The following UNC5C variants were observed in gnomAD, a reference collection of about 807,000 sequenced individuals.
UNC5C encodes unc-5 netrin receptor C.
Under a neutral mutation model 99.8 loss-of-function variants are expected in UNC5C, and 47 were observed. The observed-to-expected ratio is 0.47, with a 90% CI of 0.37 to 0.60. The LOEUF (loss-of-function observed/expected upper bound fraction) is 0.60, where lower values mean the gene tolerates loss of function less well. Ranked by LOEUF, UNC5C falls within the 20% of genes least tolerant of loss-of-function variation. The pLI is 0.00. For synonymous variants in UNC5C, 487 were observed against 452.2 expected, an observed-to-expected ratio of 1.08 and a Z score of -0.98; for missense variants, 1,062 against 1,165.9, an observed-to-expected ratio of 0.91 and a Z score of 1.30.
intron 1 of UNC5C, among the ~76,000 whole-genome samples, chr4:95,411,586 A>G (rs1231236010): frequency 6.6e-6 from 1 of 152,220 alleles, no homozygotes. Flanking sequence ...AAATCTGCAC[A>G]CTACAGGAAA....
At chr4:95,331,790 TA>T (rs1315482580) in intron 2 of UNC5C, among the ~76,000 whole-genome samples, 1 of 152,138 alleles carries the variant, frequency 6.6e-6, no homozygotes, top group Non-Finnish European at 1.5e-5. Flanking sequence ...AATATATGTG[TA>T]TATGTGTGTG....
At chr4:95,234,499 C>A (rs542296464) in intron 7 of UNC5C, among the ~76,000 whole-genome samples, 1 of 151,990 alleles carries the variant, frequency 6.6e-6, no homozygotes, top group Admixed American at 6.6e-5. Flanking sequence ...TTTAACTTAC[C>A]TTTCTTATTC....
In UNC5C at chr4:95,548,890, G is replaced by A. The variant is rs1190197456; in HGVS notation, c.-33C>T. ...AGAGGTGTGCCGGGGGGAGGGGAGG[G>A]GGACAGAGAGACGCGCAAACAGCTG... On this transcript the variant is annotated 5_prime_UTR_variant, in exon 1 of 16. Coordinates refer to ENST00000453304, the MANE Select transcript of UNC5C (RefSeq NM_003728.4). 5.0e-6 allele frequency: 8 copies of A among 1,609,826 alleles called. No homozygotes were observed. The Admixed American group carries it at 5.0e-5, about 10-fold the overall frequency.
chr4:95,471,402 G>A (rs1747964555), intron 1 of UNC5C, among the ~76,000 whole-genome samples: 1 of 152,132 alleles, frequency 6.6e-6, no homozygotes, highest in Admixed American at 6.6e-5. Flanking sequence ...ATTACGCAGT[G>A]TTTAAATAAA....
rs1413008850 is a variant in UNC5C, at chr4:95,163,756, A to T, written c.*5478T>A. ...ATCTCAGGGTAGCTTCCTTGTTTCT[A>T]CTCAGAAGCTAGTTGGGCCACAACT... On this transcript the variant is annotated 3_prime_UTR_variant, in exon 16 of 16. Transcript: ENST00000453304. 6.6e-6 allele frequency: 1 copy of T among 152,106 alleles called. No homozygotes were observed. Among genetic ancestry groups the T allele is most frequent in the African/African-American group, 2.4e-5 (1 of 41,428 alleles). 9.4% of individuals were successfully genotyped at this position (152,106 alleles called of 1,614,324 possible).
intron 1 of UNC5C, among the ~76,000 whole-genome samples, chr4:95,390,983 T>C (rs552802435): frequency 4.6e-5 from 7 of 151,950 alleles, no homozygotes; most frequent in Non-Finnish European, 8.8e-5. Flanking sequence ...CAGGTGGGAG[T>C]TAATTGAATC....
intron 4 of UNC5C, among the ~76,000 whole-genome samples, chr4:95,271,871 C>T (rs1421680746): frequency 6.6e-6 from 1 of 152,198 alleles, no homozygotes; most frequent in African/African-American, 2.4e-5. Context: ...GACTGAATGT[C>T]GTCCTGCCTT....
intron 1 of UNC5C, among the ~76,000 whole-genome samples, chr4:95,485,749 A>G (rs773812286): frequency 6.6e-5 from 10 of 151,730 alleles, no homozygotes; most frequent in Admixed American, 2.6e-4. Flanking sequence ...TTTTCCTATA[A>G]TTTATTTGTC....
intron 1 of UNC5C, among the ~76,000 whole-genome samples, chr4:95,401,505 A>G (rs1745696755): frequency 6.6e-6 from 1 of 152,006 alleles, no homozygotes; most frequent in Non-Finnish European, 1.5e-5. Flanking sequence ...TGAGGGCTTA[A>G]TATGTTGCCC....
At chr4:95,290,221 G>A (rs974843598) in intron 3 of UNC5C, among the ~76,000 whole-genome samples, 12 of 151,970 alleles carry the variant, frequency 7.9e-5, no homozygotes, top group African/African-American at 2.7e-4. Context: ...TGGGAGGATC[G>A]CTTGAGCCCA....
At chr4:95,337,021 A>G (rs1743377042) in intron 1 of UNC5C, among the ~76,000 whole-genome samples, 1 of 151,932 alleles carries the variant, frequency 6.6e-6, no homozygotes, top group African/African-American at 2.4e-5. Flanking sequence ...CAAAGGGATG[A>G]GGAACTGAAC....
intron 1 of UNC5C, among the ~76,000 whole-genome samples, chr4:95,367,078 C>A (rs1206560550): frequency 1.3e-5 from 2 of 152,042 alleles, no homozygotes; most frequent in Non-Finnish European, 2.9e-5. Context: ...TTATTAATCC[C>A]CATTTAACAT....
At chr4:95,395,007 A>G (rs1745471142) in intron 1 of UNC5C, among the ~76,000 whole-genome samples, 1 of 152,184 alleles carries the variant, frequency 6.6e-6, no homozygotes, top group Non-Finnish European at 1.5e-5. Context: ...TCAAAGGGCA[A>G]AGATTCAGAG....
rs1165755157 is a variant in UNC5C, at chr4:95,165,083, A to G, written c.*4151T>C. ...GATCCTGACAGAGACACACAGAAGGACACGAGACAAGAGCCTTGTTGCTCT... is the reference window on the plus strand; with the variant it reads ...GATCCTGACAGAGACACACAGAAGGGCACGAGACAAGAGCCTTGTTGCTCT... On this transcript the variant is annotated 3_prime_UTR_variant, in exon 16 of 16. Coordinates refer to ENST00000453304, the MANE Select transcript of UNC5C (RefSeq NM_003728.4). 11 of 152,226 alleles carry G rather than the reference A, an allele frequency of 7.2e-5. No homozygotes were observed. Among genetic ancestry groups the G allele is most frequent in the Non-Finnish European group, 1.6e-4 (11 of 68,036 alleles). 9.4% of individuals were successfully genotyped at this position (152,226 alleles called of 1,614,324 possible).
rs142916086 is a variant in UNC5C, at chr4:95,216,258, G to T, written c.1646-47C>A. 8.3e-4 allele frequency: 1,225 copies of T among 1,483,574 alleles called. 10 individuals are homozygous for T. In the African/African-American group the frequency reaches 0.014, roughly 17 times the overall value. 91.9% of individuals were successfully genotyped at this position (1,483,574 alleles called of 1,614,324 possible). On this transcript the variant is annotated intron_variant, in intron 9 of 15. Coordinates refer to ENST00000453304, the MANE Select transcript of UNC5C (RefSeq NM_003728.4). ...CAGTCATTTAAGACTTTTGCAGCAC[G>T]TAAAAGGGAATGAGGAGATTTTGTG...
At chr4:95,292,214 TATAC>T (rs869162866) in intron 3 of UNC5C, among the ~76,000 whole-genome samples, 48 of 106,944 alleles carry the variant, frequency 4.5e-4, no homozygotes, top group African/African-American at 1.3e-3. Flanking sequence ...TATACATATA[TATAC>T]ACACACACAC....
At chr4:95,485,899 T>C (rs2149479663) in intron 1 of UNC5C, among the ~76,000 whole-genome samples, 1 of 151,848 alleles carries the variant, frequency 6.6e-6, no homozygotes, top group Middle Eastern at 3.4e-3. Context: ...CGCATTTAAT[T>C]ATACAACTTT....
intron 14 of UNC5C, among the ~76,000 whole-genome samples, chr4:95,180,896 G>A (rs1360092967): frequency 6.6e-6 from 1 of 152,098 alleles, no homozygotes; most frequent in African/African-American, 2.4e-5. Context: ...TTCTCTACTT[G>A]TTTATGGTTT....
At chr4:95,276,319 G>C (rs1740858572) in intron 4 of UNC5C, among the ~76,000 whole-genome samples, 1 of 152,138 alleles carries the variant, frequency 6.6e-6, no homozygotes, top group African/African-American at 2.4e-5. Context: ...ATAGTTCTTT[G>C]AATGTCAAAT....
Sources: gnomAD v4.1 joint callset for allele counts (sites outside exome capture counted in the v4.1 genomes callset) on GRCh38, gnomAD v4.1.1 for gene constraint, MANE v1.5 for transcripts, NCBI Gene and HGNC (gene_info 2026-07-23, HGNC 2026-07-21) for gene names.